HIP1: variants seen among roughly 807,000 people sequenced by gnomAD.
HIP1 encodes huntingtin-interacting protein 1.
Under a neutral mutation model 147.6 loss-of-function variants are expected in HIP1, and 65 were observed. The observed-to-expected ratio is 0.44, with a 90% CI of 0.36 to 0.54. The LOEUF is 0.54. Among genes scored for constraint, HIP1 ranks in the 20% least tolerant of loss-of-function variants. HIP1 has a pLI of 0.00. For missense variants in HIP1, 1,061 were observed against 1,299.6 expected (o/e 0.82, Z 2.82); for synonymous variants, 479 against 504.0 (o/e 0.95, Z 0.67).
chr7:75,633,268 C>T (rs1798302509), intron 1 of HIP1, among the ~76,000 whole-genome samples: 1 of 152,110 alleles, frequency 6.6e-6, no homozygotes, highest in African/African-American at 2.4e-5. Context: ...TGGAATATAC[C>T]TGGATGTTTT....
rs373802536 is a variant in HIP1 at position 75,548,932 on chromosome 7, C to T, written c.2365G>A (p.Ala789Thr). 6.6e-5 allele frequency: 106 copies of T among 1,613,966 alleles called. No homozygotes were observed. Among genetic ancestry groups the T allele is most frequent in the Non-Finnish European group, 8.4e-5 (99 of 1,179,958 alleles). Residue 789 changes from alanine to threonine, a missense_variant, in exon 23 of 31, where the codon GCC becomes ACC. Ala to Thr is a moderately conservative substitution (Grantham distance 58). This residue lies in a region of HIP1 where 810 missense variants were observed against 946.8 expected (regional missense o/e 0.86). Coordinates refer to ENST00000336926, the MANE Select transcript of HIP1 (RefSeq NM_005338.7). Reference protein sequence around the residue: ...LGDLVDKEMAATSAAIETATA... With the variant: ...LGDLVDKEMATTSAAIETATA... ...GCAGTTTCAATAGCAGCTGAAGTGG[C>T]CGCCATCTCCTTGTCCACCAGGTCC...
At chr7:75,725,922 A>G (rs1379021476) in intron 1 of HIP1, among the ~76,000 whole-genome samples, 1 of 150,926 alleles carries the variant, frequency 6.6e-6, no homozygotes, top group African/African-American at 2.4e-5. Flanking sequence ...CCCGGATTCA[A>G]GCAATTCTCC....
chr7:75,647,211 CAAAAAAAAAAAAAAAAAA>C (rs60972195), intron 1 of HIP1, among the ~76,000 whole-genome samples: 12 of 57,990 alleles, frequency 2.1e-4, no homozygotes, highest in Admixed American at 7.9e-4. Context: ...ACTAAAAATA[CAAAAAAAAAAAAAAAAAA>C]AAAAAAAAAA....
At chr7:75,577,387 G>A (rs1236688638) in intron 7 of HIP1, among the ~76,000 whole-genome samples, 1 of 150,908 alleles carries the variant, frequency 6.6e-6, no homozygotes, top group Non-Finnish European at 1.5e-5. Flanking sequence ...TGATGAAATA[G>A]GTGAATAGAA....
At chr7:75,597,739 C>CAAA (rs782340180) in intron 2 of HIP1, among the ~76,000 whole-genome samples, 3 of 75,476 alleles carry the variant, frequency 4.0e-5, no homozygotes, top group Non-Finnish European at 4.6e-5. Flanking sequence ...GACTCTGTCT[C>CAAA]AAAAAAAAAA....
intron 2 of HIP1, 143 bp from the exon 3 acceptor site, chr7:75,592,657 C>A (rs1554501068): frequency 1.1e-5 from 9 of 803,232 alleles, no homozygotes; most frequent in East Asian, 5.5e-5. Flanking sequence ...TGCAGGGGAC[C>A]AAGCCTGCAC....
rs1795249383 is a variant in HIP1, at chr7:75,562,153, C to T, written c.1038G>A (p.Lys346=). ...ATGAACTGCCAAAGATGTCATCAAACTTGTTGTCAAATAAATTCTGTGGTT... is the reference window on the plus strand; with the variant it reads ...ATGAACTGCCAAAGATGTCATCAAATTTGTTGTCAAATAAATTCTGTGGTT... ...DASQQNLFDN[K]FDDIFGSSFS... is the part of the protein sequence containing the mutation. Residue 346 remains lysine (K), a synonymous_variant, in exon 12 of 31, where the codon AAG becomes AAA. Coordinates refer to ENST00000336926, the MANE Select transcript of HIP1 (RefSeq NM_005338.7). The T allele has an allele frequency of 3.7e-6, 6 of 1,613,306 alleles. No homozygotes were observed. Among genetic ancestry groups the T allele is most frequent in the Non-Finnish European group, 4.2e-6 (5 of 1,179,272 alleles).
intron 1 of HIP1, among the ~76,000 whole-genome samples, chr7:75,619,631 C>T (rs1797778787): frequency 6.6e-6 from 1 of 151,914 alleles, no homozygotes; most frequent in African/African-American, 2.4e-5. Flanking sequence ...ACAAGTATAC[C>T]TTGATGTAAG....
intron 1 of HIP1, among the ~76,000 whole-genome samples, chr7:75,680,217 C>G (rs554961682): frequency 4.3e-4 from 65 of 152,138 alleles, no homozygotes; most frequent in South Asian, 2.5e-3. Flanking sequence ...TAATTTTTTA[C>G]GTTTTTAGTA....
At chr7:75,681,569 C>T (rs2285872) in intron 1 of HIP1, among the ~76,000 whole-genome samples, 87,430 of 147,862 alleles carry the variant, frequency 0.59, 26,257 homozygotes, top group African/African-American at 0.7. Context: ...TACAGTGGCA[C>T]GACCACAGCT....
At position 75,712,190 on chromosome 7, in the gene HIP1, A is replaced by G. The variant is rs544823470; in HGVS notation, c.120+26611T>C. Among the ~76,000 whole-genome samples, 5 of 152,188 alleles carry G rather than the reference A, an allele frequency of 3.3e-5. No homozygotes were observed. In the East Asian group the frequency reaches 9.7e-4, roughly 29 times the overall value. On this transcript the variant is annotated intron_variant, in intron 1 of 30. Transcript: ENST00000336926. The stretch of plus-strand genomic sequence containing the variant: ...TGCTCTTCTTTACGGGGGGAAAAAA[A>G]GTTATTTTCTTCCCTTTCTTCTCTG...
chr7:75,588,514 C>T (rs1476846654), intron 4 of HIP1, among the ~76,000 whole-genome samples: 2 of 152,134 alleles, frequency 1.3e-5, no homozygotes. Flanking sequence ...GACACAGTGG[C>T]TCCTCCTGCC....
intron 1 of HIP1, among the ~76,000 whole-genome samples, chr7:75,611,079 T>C (rs1222892029): frequency 2.1e-5 from 2 of 93,572 alleles, no homozygotes; most frequent in South Asian, 3.5e-4. Flanking sequence ...CTAATTTTTG[T>C]ATTTTGTATT....
chr7:75,559,823 G>T lies in HIP1; in HGVS notation c.1284C>A (p.Asp428Glu). ...GTTCTGCCCGCAGGAATTCACAGTC[G>T]TCGGCCGCCTGCTGCCGCAGGTGCT... ...EQQHLRQQAA[D>E]DCEFLRAELD... Residue 428 changes from aspartate to glutamate, a missense_variant, in exon 14 of 31, where the codon GAC (aspartate) becomes GAA (glutamate). Transcript: ENST00000336926. The T allele has an allele frequency of 6.2e-7, 1 of 1,612,510 alleles. No individual in the cohort carries two copies. Among genetic ancestry groups the T allele is most frequent in the Non-Finnish European group, 8.5e-7 (1 of 1,179,850 alleles).
chr7:75,546,201 A>G (rs184012543), intron 25 of HIP1, among the ~76,000 whole-genome samples: 240 of 148,520 alleles, frequency 1.6e-3, no homozygotes, highest in African/African-American at 6.1e-3. Context: ...CAGTGAATAC[A>G]TTAAAAAAAA....
chr7:75,699,987 A>G (rs1800770366), intron 1 of HIP1, among the ~76,000 whole-genome samples: 1 of 151,998 alleles, frequency 6.6e-6, no homozygotes, highest in African/African-American at 2.4e-5. Flanking sequence ...AGTAGCTGGG[A>G]TTACAGGTGC....
intron 1 of HIP1, among the ~76,000 whole-genome samples, chr7:75,659,352 C>T (rs2240132): frequency 0.54 from 82,095 of 152,108 alleles, 23,275 homozygotes; most frequent in African/African-American, 0.71. Context: ...TTTGTGGCAA[C>T]TACTGTTATT....
At chr7:75,640,888 A>G (rs183277669) in intron 1 of HIP1, among the ~76,000 whole-genome samples, 1 of 152,148 alleles carries the variant, frequency 6.6e-6, no homozygotes, top group African/African-American at 2.4e-5. Flanking sequence ...GGCATCTCCT[A>G]TCATGGCCCC....
chr7:75,627,352 C>T (rs1032542565), intron 1 of HIP1, among the ~76,000 whole-genome samples: 9 of 152,114 alleles, frequency 5.9e-5, no homozygotes, highest in African/African-American at 2.2e-4. Context: ...ATAGGAGTTT[C>T]CTTAAATCTC....
Sources: gnomAD v4.1 joint callset for allele counts (sites outside exome capture counted in the v4.1 genomes callset) on GRCh38, gnomAD v4.1.1 for gene constraint, gnomAD v4.1.1 regional missense constraint, MANE v1.5 for transcripts, NCBI Gene and HGNC (gene_info 2026-07-23, HGNC 2026-07-21) for gene names.